The following NPAS3 variants were observed in gnomAD, a reference collection of about 807,000 sequenced individuals.
NPAS3 encodes neuronal PAS domain-containing protein 3.
In NPAS3, 14 loss-of-function variants were observed where a neutral mutation model predicts 73.1. That is an observed-to-expected ratio of 0.19 (90% CI 0.13 to 0.30). The LOEUF (loss-of-function observed/expected upper bound fraction) is 0.30, where lower values mean the gene tolerates loss of function less well. NPAS3 is among the 10% of genes least tolerant of loss of function. The pLI, the probability that NPAS3 is intolerant of heterozygous loss-of-function variation, is 1.00. For synonymous variants in NPAS3, 620 were observed against 541.5 expected (o/e 1.14, Z -2.01); for missense variants, 1,096 against 1,250.0 (o/e 0.88, Z 1.86).
intron 4 of NPAS3, among the ~76,000 whole-genome samples, chr14:33,526,309 C>T (rs1473317896): frequency 7.3e-6 from 1 of 137,156 alleles, no homozygotes; most frequent in Non-Finnish European, 1.6e-5. Context: ...TTTTTTAAAA[C>T]CTGGGAAATG....
At chr14:33,068,789 G>A (rs2041370482) in intron 2 of NPAS3, among the ~76,000 whole-genome samples, 2 of 152,136 alleles carry the variant, frequency 1.3e-5, no homozygotes, top group African/African-American at 4.8e-5. Flanking sequence ...ATAGCCAGGC[G>A]AAAACATTCC....
intron 2 of NPAS3, among the ~76,000 whole-genome samples, chr14:33,098,454 A>G (rs1406321709): frequency 1.3e-5 from 2 of 152,202 alleles, no homozygotes; most frequent in Non-Finnish European, 1.5e-5. Flanking sequence ...TTGCTAGACT[A>G]GTACTGTCCT....
chr14:33,200,289 C>T (rs889262296), intron 2 of NPAS3, among the ~76,000 whole-genome samples: 1 of 151,854 alleles, frequency 6.6e-6, no homozygotes, highest in Non-Finnish European at 1.5e-5. Context: ...GCTACTTTTA[C>T]TAATAGACTA....
chr14:33,743,892 C>T (rs1000779838), intron 7 of NPAS3, among the ~76,000 whole-genome samples: 2 of 152,232 alleles, frequency 1.3e-5, no homozygotes, highest in African/African-American at 4.8e-5. Flanking sequence ...CTAGCTTCCA[C>T]TGTTTCTTCT....
At chr14:33,737,393 T>C (rs1448299701) in intron 7 of NPAS3, among the ~76,000 whole-genome samples, 1 of 152,110 alleles carries the variant, frequency 6.6e-6, no homozygotes, top group East Asian at 1.9e-4. Context: ...GACGTAAAAG[T>C]GCAACCTTGA....
At chr14:32,969,893 A>G (rs546818976) in intron 1 of NPAS3, among the ~76,000 whole-genome samples, 16 of 152,364 alleles carry the variant, frequency 1.1e-4, no homozygotes, top group African/African-American at 3.8e-4. Flanking sequence ...AAAGAATGTC[A>G]CATAGGATTG....
intron 4 of NPAS3, among the ~76,000 whole-genome samples, chr14:33,420,669 T>C (rs2139023741): frequency 6.6e-6 from 1 of 152,096 alleles, no homozygotes; most frequent in Non-Finnish European, 1.5e-5. Flanking sequence ...AGGTAAATTT[T>C]AGTCAAAATT....
chr14:33,546,271 T>C (rs751303762), intron 4 of NPAS3, among the ~76,000 whole-genome samples: 1 of 152,252 alleles, frequency 6.6e-6, no homozygotes, highest in Non-Finnish European at 1.5e-5. Context: ...GCAATCCTGT[T>C]GTCGATTGAC....
intron 2 of NPAS3, among the ~76,000 whole-genome samples, chr14:33,085,889 A>G (rs1036716919): frequency 1.3e-5 from 2 of 152,126 alleles, no homozygotes; most frequent in East Asian, 3.8e-4. Context: ...CATTGACTAA[A>G]TATTATGATG....
chr14:33,659,602 G>C (rs1449894833), intron 5 of NPAS3, among the ~76,000 whole-genome samples: 1 of 152,062 alleles, frequency 6.6e-6, no homozygotes, highest in Non-Finnish European at 1.5e-5. Context: ...ATTAAAACTA[G>C]AACAAGAGAC....
intron 3 of NPAS3, among the ~76,000 whole-genome samples, chr14:33,231,870 G>C (rs748625248): frequency 6.6e-6 from 1 of 152,130 alleles, no homozygotes; most frequent in South Asian, 2.1e-4. Flanking sequence ...TTTGGCCCTT[G>C]ACGTAGGCAA....
At chr14:33,011,522 A>G (rs891971876) in intron 1 of NPAS3, among the ~76,000 whole-genome samples, 1 of 151,518 alleles carries the variant, frequency 6.6e-6, no homozygotes, top group Non-Finnish European at 1.5e-5. Flanking sequence ...TGAAAACTCC[A>G]CACAGACAGT....
intron 6 of NPAS3, among the ~76,000 whole-genome samples, chr14:33,717,355 G>A (rs2140523862): frequency 6.6e-6 from 1 of 151,942 alleles, no homozygotes; most frequent in African/African-American, 2.4e-5. Context: ...GAAGGGGCAA[G>A]TTAAGCACTC....
intron 3 of NPAS3, among the ~76,000 whole-genome samples, chr14:33,231,569 C>G (rs1317534547): frequency 1.3e-5 from 2 of 152,042 alleles, no homozygotes; most frequent in African/African-American, 4.8e-5. Context: ...TACACATTAC[C>G]GTTTCTAAAA....
At chr14:33,562,722 A>C (rs958675243) in intron 5 of NPAS3, among the ~76,000 whole-genome samples, 10 of 152,186 alleles carry the variant, frequency 6.6e-5, no homozygotes, top group African/African-American at 2.4e-4. Context: ...CAAAAAATCT[A>C]TGCTAAAACT....
chr14:33,522,400 G>A (rs1381904493), intron 4 of NPAS3, among the ~76,000 whole-genome samples: 2 of 151,784 alleles, frequency 1.3e-5, no homozygotes, highest in Non-Finnish European at 2.9e-5. Flanking sequence ...TTGATGCAGT[G>A]ATGTAGTTGT....
At chr14:32,939,632 A>C (rs1307017216) in intron 1 of NPAS3, among the ~76,000 whole-genome samples, 1 of 148,992 alleles carries the variant, frequency 6.7e-6, no homozygotes, top group Non-Finnish European at 1.5e-5. Context: ...ACAAAAAAAA[A>C]AAAAAAAAGA....
chr14:33,672,327 T>TAACA (rs2059632862), intron 5 of NPAS3, among the ~76,000 whole-genome samples: 1 of 152,208 alleles, frequency 6.6e-6, no homozygotes, highest in Non-Finnish European at 1.5e-5. Context: ...GCCATTATAC[T>TAACA]AACATAAAAG....
intron 2 of NPAS3, among the ~76,000 whole-genome samples, chr14:33,210,422 TG>T (rs912634074): frequency 2.6e-5 from 4 of 152,218 alleles, no homozygotes; most frequent in African/African-American, 9.6e-5. Flanking sequence ...TTTCATGATT[TG>T]ACCTTGCCCC....
Sources: gnomAD v4.1 joint callset for allele counts (sites outside exome capture counted in the v4.1 genomes callset) on GRCh38, gnomAD v4.1.1 for gene constraint, MANE v1.5 for transcripts, NCBI Gene and HGNC (gene_info 2026-07-23, HGNC 2026-07-21) for gene names.